Variants in ADCYAP1R1 observed in about 807,000 individuals in gnomAD.
ADCYAP1R1 encodes ADCYAP receptor type I, also known as pituitary adenylate cyclase-activating polypeptide type I receptor.
A neutral mutation model predicts 67.6 loss-of-function variants in ADCYAP1R1; 44 were observed. That is an observed-to-expected ratio of 0.65 (90% CI 0.51 to 0.84). The LOEUF (loss-of-function observed/expected upper bound fraction) is 0.84, where lower values mean the gene tolerates loss of function less well. Among genes scored for constraint, ADCYAP1R1 ranks in the 40% least tolerant of loss-of-function variants. ADCYAP1R1 has a pLI of 0.00. For synonymous variants in ADCYAP1R1, 222 were observed against 219.6 expected, an observed-to-expected ratio of 1.01 and a Z score of -0.10; for missense variants, 477 against 587.9, an observed-to-expected ratio of 0.81 and a Z score of 1.95.
intron 1 of ADCYAP1R1, among the ~76,000 whole-genome samples, chr7:31,057,996 G>A (rs1217533723): frequency 6.6e-6 from 1 of 152,230 alleles, no homozygotes; most frequent in Non-Finnish European, 1.5e-5. Flanking sequence ...GAGTCCCAGG[G>A]CTGTGTGGCC....
intron 6 of ADCYAP1R1, among the ~76,000 whole-genome samples, 188 bp downstream of exon 6, chr7:31,081,942 C>T (rs1415065180): frequency 1.3e-5 from 2 of 152,172 alleles, no homozygotes; most frequent in East Asian, 1.9e-4. Flanking sequence ...GATAGAACAT[C>T]GTGTGTAGAA....
Position 31,086,873 on chromosome 7 carries a change from C to T in ADCYAP1R1, c.824-70C>T. On this transcript the variant is annotated intron_variant, in intron 10 of 15. Coordinates refer to ENST00000304166, the MANE Select transcript of ADCYAP1R1 (RefSeq NM_001118.5). This position sits in a 1 kb window ranked among gnomAD's most constrained non-coding sequence, Gnocchi z 5.0. ...GGGGAGCAATAGCCTCTCGGAGCCC[C>T]AGGTCTACGGTGGACATTGGACATG... 6.6e-7 allele frequency: 1 copy of T among 1,521,900 alleles called. No individual in the cohort carries two copies. The highest frequency in any genetic ancestry group is 9.1e-7 in the Non-Finnish European group (1 of 1,096,732). 94.3% of individuals were successfully genotyped at this position (1,521,900 alleles called of 1,614,324 possible). A position where few individuals can be genotyped will look rare whatever the true frequency, so the allele number is the denominator to read the frequency against.
Position 31,102,404 on chromosome 7 carries a change from C to T in ADCYAP1R1, c.1047-833C>T, listed in dbSNP as rs1231958769. On this transcript the variant is annotated intron_variant, in intron 13 of 15. Coordinates refer to ENST00000304166, the MANE Select transcript of ADCYAP1R1 (RefSeq NM_001118.5). The surrounding 1 kb of genome is among the most constrained non-coding windows in gnomAD (Gnocchi z 4.3). ...TGTGAGTGTCCCCTATAGAGCAGGA[C>T]CCACAAGTGCACATGGTCCAGGTGT... is the stretch of plus-strand genomic sequence containing the variant. 1.3e-5 allele frequency among the ~76,000 whole-genome samples: 2 copies of T among 152,194 alleles called. No individual in the cohort carries two copies. The highest frequency in any genetic ancestry group is 1.9e-4 in the East Asian group (1 of 5,186).
At chr7:31,088,547 T>G (rs773554444) in intron 12 of ADCYAP1R1, among the ~76,000 whole-genome samples, 3 of 152,234 alleles carry the variant, frequency 2.0e-5, no homozygotes, top group Non-Finnish European at 2.9e-5. Flanking sequence ...ATTTTATTGT[T>G]TTGTCTGGTC....
chr7:31,103,054 A>G (rs1169361088), intron 13 of ADCYAP1R1, among the ~76,000 whole-genome samples, 183 bp from the exon 14 acceptor site: 1 of 152,192 alleles, frequency 6.6e-6, no homozygotes, highest in African/African-American at 2.4e-5. Flanking sequence ...ATGTCTCCCC[A>G]CAATATCCCA....
At chr7:31,096,074 A>G (rs1164880217) in intron 13 of ADCYAP1R1, among the ~76,000 whole-genome samples, 1 of 152,076 alleles carries the variant, frequency 6.6e-6, no homozygotes, top group Non-Finnish European at 1.5e-5. Flanking sequence ...GGTTAACTGG[A>G]GTTGACCTCT....
At position 31,097,363 on chromosome 7, in the gene ADCYAP1R1, T is replaced by C. The variant is rs78209480; in HGVS notation, c.1046+4628T>C. On this transcript the variant is annotated intron_variant, in intron 13 of 15. Transcript: ENST00000304166. ...TATTTTCCCTTTTCCCTAATTGTCG[T>C]GACTTTTAAGACATTCTGACATCTT... Among the ~76,000 whole-genome samples the C allele has an allele frequency of 8.8e-3, 1,346 of 152,380 alleles. 26 individuals are homozygous for C. Among genetic ancestry groups the C allele is most frequent in the African/African-American group, 0.031 (1,273 of 41,582 alleles).
At chr7:31,090,391 T>C (rs1795917398) in intron 12 of ADCYAP1R1, among the ~76,000 whole-genome samples, 1 of 152,222 alleles carries the variant, frequency 6.6e-6, no homozygotes, top group Non-Finnish European at 1.5e-5. Context: ...GTACCAGGTA[T>C]TGATGTTTTT....
rs558830962 is a variant in ADCYAP1R1, at chr7:31,102,259, T to C, written c.1047-978T>C. Reference sequence around the variant, plus strand: ...GGGGAGGCTGATCCTCTGGAGGAGATGGGCCAGGTGCAGCCTGGGGGCAGG... The same window carrying C: ...GGGGAGGCTGATCCTCTGGAGGAGACGGGCCAGGTGCAGCCTGGGGGCAGG... On this transcript the variant is annotated intron_variant, in intron 13 of 15. Transcript: ENST00000304166. The surrounding 1 kb of genome is among the most constrained non-coding windows in gnomAD (Gnocchi z 4.3). 3.3e-4 allele frequency among the ~76,000 whole-genome samples: 50 copies of C among 152,284 alleles called. No homozygotes were observed. Among genetic ancestry groups the C allele is most frequent in the African/African-American group, 1.1e-3 (45 of 41,572 alleles).
At chr7:31,084,961 C>A (rs1017488979) in intron 8 of ADCYAP1R1, 127 bp downstream of exon 8, 2 of 922,780 alleles carry the variant, frequency 2.2e-6, no homozygotes, top group East Asian at 2.5e-5. Context: ...TTCTCCCACC[C>A]CAAGGATAAC....
chr7:31,080,649 G>A lies in ADCYAP1R1; in HGVS notation c.286+16G>A. 1 of 1,613,536 alleles carries A rather than the reference G, an allele frequency of 6.2e-7. No individual in the cohort carries two copies. Reference sequence around the variant, plus strand: ...GAAACCATTGGTAAGAGGAACCTTGGTGAGGATAGACCGCTGTCTTTCTGT... The same window carrying A: ...GAAACCATTGGTAAGAGGAACCTTGATGAGGATAGACCGCTGTCTTTCTGT... On this transcript the variant is annotated intron_variant, in intron 5 of 15. Coordinates refer to ENST00000304166, the MANE Select transcript of ADCYAP1R1 (RefSeq NM_001118.5).
intron 2 of ADCYAP1R1, among the ~76,000 whole-genome samples, chr7:31,064,504 C>T (rs1584481311): frequency 6.6e-6 from 1 of 152,198 alleles, no homozygotes; most frequent in African/African-American, 2.4e-5. Context: ...TCCATACACA[C>T]ACACACATAT....
At chr7:31,092,037 A>G (rs975071660) in intron 12 of ADCYAP1R1, among the ~76,000 whole-genome samples, 5 of 149,950 alleles carry the variant, frequency 3.3e-5, no homozygotes, top group African/African-American at 4.9e-5. Flanking sequence ...TGCTTTGGCT[A>G]TGCCTGAAAG....
chr7:31,060,254 G>GC (rs1261090433), intron 1 of ADCYAP1R1, among the ~76,000 whole-genome samples: 2 of 152,182 alleles, frequency 1.3e-5, no homozygotes, highest in Non-Finnish European at 2.9e-5. Context: ...ACACACATGT[G>GC]CATGTGTGCC....
At chr7:31,091,740 G>A (rs932966900) in intron 12 of ADCYAP1R1, among the ~76,000 whole-genome samples, 2 of 152,080 alleles carry the variant, frequency 1.3e-5, no homozygotes, top group Admixed American at 1.3e-4. Context: ...CAGAGAACAC[G>A]ATTGACAGAA....
chr7:31,091,129 G>A (rs1398349990), intron 12 of ADCYAP1R1, among the ~76,000 whole-genome samples: 1 of 152,144 alleles, frequency 6.6e-6, no homozygotes, highest in Non-Finnish European at 1.5e-5. Flanking sequence ...GTGTGAGATG[G>A]TATCTCATTG....
chr7:31,061,493 G>T (rs1033942515), intron 1 of ADCYAP1R1, among the ~76,000 whole-genome samples: 5 of 152,190 alleles, frequency 3.3e-5, no homozygotes, highest in Non-Finnish European at 7.3e-5. Flanking sequence ...GGTGCCTCAG[G>T]GTGCCTAGAA....
chr7:31,104,448 T>A (rs1010016807), intron 14 of ADCYAP1R1, among the ~76,000 whole-genome samples: 5 of 152,128 alleles, frequency 3.3e-5, no homozygotes, highest in Non-Finnish European at 5.9e-5. Flanking sequence ...GGAGGGCAGA[T>A]TGGGGAGATG....
At chr7:31,104,153 G>A (rs1452128220) in intron 14 of ADCYAP1R1, among the ~76,000 whole-genome samples, 2 of 152,054 alleles carry the variant, frequency 1.3e-5, no homozygotes, top group African/African-American at 4.8e-5. Flanking sequence ...TGGCCTCATG[G>A]GCTCATAGAC....
Sources: allele counts gnomAD v4.1 joint callset (sites outside exome capture counted in the v4.1 genomes callset), GRCh38; gene constraint gnomAD v4.1.1; non-coding constraint Gnocchi (gnomAD v3.1); transcripts MANE v1.5; gene names NCBI Gene and HGNC (gene_info 2026-07-23, HGNC 2026-07-21).